Variants in GNG7 observed in about 807,000 individuals in gnomAD.
The protein encoded by GNG7 is guanine nucleotide-binding protein G(I)/G(S)/G(O) subunit gamma-7.
In GNG7, 1 loss-of-function variant was observed where a neutral mutation model predicts 4.0. The observed-to-expected ratio is 0.25, with a 90% confidence interval of 0.09 to 1.18. GNG7 has a LOEUF of 1.18. GNG7 is among the 50% of genes most tolerant of loss of function. The pLI is 0.50. For synonymous variants in GNG7, 34 were observed against 36.9 expected, an observed-to-expected ratio of 0.92 and a Z score of 0.29; for missense variants, 86 against 91.9, an observed-to-expected ratio of 0.94 and a Z score of 0.26.
At chr19:2,567,141 A>C (rs915411233) in intron 2 of GNG7, among the ~76,000 whole-genome samples, 57 of 128,716 alleles carry the variant, frequency 4.4e-4, no homozygotes, top group African/African-American at 2.1e-3. Flanking sequence ...ACAAAAAAAA[A>C]ACAAAAAAAA....
At chr19:2,577,225 C>T (rs1182482451) in intron 2 of GNG7, among the ~76,000 whole-genome samples, 2 of 152,154 alleles carry the variant, frequency 1.3e-5, no homozygotes, top group Non-Finnish European at 2.9e-5. Context: ...CGGGAACAGC[C>T]AAGCCAGGGC....
intron 2 of GNG7, among the ~76,000 whole-genome samples, chr19:2,555,573 T>C (rs1291192467): frequency 2.6e-5 from 4 of 152,226 alleles, no homozygotes; most frequent in African/African-American, 9.6e-5. Flanking sequence ...TCGGTGTTTT[T>C]CCATCTCTGA....
chr19:2,637,364 GGA>G (rs1449312419), intron 2 of GNG7, among the ~76,000 whole-genome samples: 1 of 151,988 alleles, frequency 6.6e-6, no homozygotes, highest in African/African-American at 2.4e-5. Context: ...CTGCTCTCCT[GGA>G]GAGGCTGCCA....
intron 2 of GNG7, among the ~76,000 whole-genome samples, chr19:2,565,913 T>A (rs1979893452): frequency 6.6e-6 from 1 of 152,166 alleles, no homozygotes; most frequent in African/African-American, 2.4e-5. Context: ...ATCCCAGCAC[T>A]TCGGGAGGCC....
At chr19:2,599,472 AG>A (rs1330690711) in intron 2 of GNG7, among the ~76,000 whole-genome samples, 1 of 151,626 alleles carries the variant, frequency 6.6e-6, no homozygotes, top group African/African-American at 2.4e-5. Flanking sequence ...CGGACCTGGG[AG>A]GGGGGCCCTC....
At chr19:2,592,068 C>A (rs1980863963) in intron 2 of GNG7, among the ~76,000 whole-genome samples, 2 of 152,184 alleles carry the variant, frequency 1.3e-5, no homozygotes. Flanking sequence ...TCTAAAGCTG[C>A]ATTTCTGCTT....
At position 2,644,327 on chromosome 19, in the gene GNG7, TTATATATATATATATATA is replaced by T. The variant is rs56143197; in HGVS notation, c.-78+1879_-78+1896del. 3.0e-3 allele frequency among the ~76,000 whole-genome samples: 339 copies of T among 114,440 alleles called. 2 individuals are homozygous for T. The highest frequency in any genetic ancestry group is 5.4e-3 in the African/African-American group (164 of 30,092). 75.1% of individuals were successfully genotyped at this position (114,440 alleles called of 152,430 possible). A position where few individuals can be genotyped will look rare whatever the true frequency, so the allele number is the denominator to read the frequency against. The stretch of plus-strand genomic sequence containing the variant: ...TGAGCCACTGCACCCGGCCTACACT[TTATATATATATATATATA>T]TATATATATATATATATATATATAT... On this transcript the variant is annotated intron_variant, in intron 2 of 4. Coordinates refer to ENST00000382159, the MANE Select transcript of GNG7 (RefSeq NM_052847.3).
chr19:2,572,186 T>TA (rs913935893), intron 2 of GNG7, among the ~76,000 whole-genome samples: 4 of 151,808 alleles, frequency 2.6e-5, no homozygotes, highest in Non-Finnish European at 5.9e-5. Context: ...AACACCAGGC[T>TA]AATTTTTTGT....
At chr19:2,685,766 C>T (rs1228533146) in intron 1 of GNG7, among the ~76,000 whole-genome samples, 1 of 152,176 alleles carries the variant, frequency 6.6e-6, no homozygotes, top group Non-Finnish European at 1.5e-5. Flanking sequence ...TCCGTGACCG[C>T]CCGGTGTCCT....
intron 2 of GNG7, among the ~76,000 whole-genome samples, chr19:2,572,098 T>G (rs748052504): frequency 5.3e-5 from 8 of 152,048 alleles, no homozygotes; most frequent in Non-Finnish European, 1.0e-4. Flanking sequence ...CATAGCTCAC[T>G]GCAGCCTCCA....
intron 2 of GNG7, among the ~76,000 whole-genome samples, chr19:2,631,323 G>A (rs116809651): frequency 1.3e-5 from 2 of 152,170 alleles, no homozygotes; most frequent in Non-Finnish European, 2.9e-5. Flanking sequence ...ACTTAACCTC[G>A]CTAGGTCTCA....
chr19:2,661,964 A>T (rs1376295111), intron 1 of GNG7, among the ~76,000 whole-genome samples: 1 of 152,216 alleles, frequency 6.6e-6, no homozygotes, highest in African/African-American at 2.4e-5. Flanking sequence ...TCTCACATCA[A>T]CAGCAATCAA....
chr19:2,651,260 C>A (rs1395681941), intron 1 of GNG7, among the ~76,000 whole-genome samples: 1 of 129,926 alleles, frequency 7.7e-6, no homozygotes, highest in Non-Finnish European at 1.6e-5. Flanking sequence ...TTCCTTCCTT[C>A]CTTCCTTCCT....
chr19:2,665,462 G>A (rs1044704931), intron 1 of GNG7, among the ~76,000 whole-genome samples: 6 of 152,012 alleles, frequency 3.9e-5, no homozygotes, highest in African/African-American at 1.5e-4. Flanking sequence ...CAAGGATTTG[G>A]GAAGAGGGCC....
At chr19:2,640,026 G>GA (rs1982457667) in intron 2 of GNG7, among the ~76,000 whole-genome samples, 1 of 83,240 alleles carries the variant, frequency 1.2e-5, no homozygotes, top group African/African-American at 4.7e-5. Context: ...GAGGGGGAGG[G>GA]AGGAAGGGAG....
At chr19:2,640,401 C>T (rs1982474687) in intron 2 of GNG7, among the ~76,000 whole-genome samples, 3 of 152,086 alleles carry the variant, frequency 2.0e-5, no homozygotes, top group South Asian at 4.1e-4. Context: ...AGTGCCTTAA[C>T]GAGCGTCAAG....
chr19:2,688,320 G>A (rs1373225879), intron 1 of GNG7, among the ~76,000 whole-genome samples: 6 of 152,128 alleles, frequency 3.9e-5, no homozygotes, highest in Admixed American at 2.6e-4. Flanking sequence ...GGATGGAGTC[G>A]GTGTCAGTGC....
intron 1 of GNG7, among the ~76,000 whole-genome samples, chr19:2,685,865 T>C (rs1257371412): frequency 6.6e-6 from 1 of 152,042 alleles, no homozygotes; most frequent in African/African-American, 2.4e-5. Flanking sequence ...AAGAGGCCAC[T>C]AAGAAAAGGG....
chr19:2,552,954 A>G (rs1255306302), intron 3 of GNG7, among the ~76,000 whole-genome samples: 1 of 149,908 alleles, frequency 6.7e-6, no homozygotes, highest in Non-Finnish European at 1.5e-5. Flanking sequence ...CCAGAAAAGG[A>G]AGAACGAAGG....
Sources: gnomAD v4.1 joint callset for allele counts (sites outside exome capture counted in the v4.1 genomes callset) on GRCh38, gnomAD v4.1.1 for gene constraint, MANE v1.5 for transcripts, NCBI Gene and HGNC (gene_info 2026-07-23, HGNC 2026-07-21) for gene names.